The following INPP4B variants were observed in gnomAD, a reference collection of about 807,000 sequenced individuals.
INPP4B encodes inositol polyphosphate-4-phosphatase type II B.
A neutral mutation model predicts 122.5 loss-of-function variants in INPP4B; 55 were observed. That is an observed-to-expected ratio of 0.45 (90% CI 0.36 to 0.56). The LOEUF (loss-of-function observed/expected upper bound fraction) is 0.56. INPP4B is among the 20% of genes least tolerant of loss of function. The probability of loss-of-function intolerance (pLI) is 0.00; values close to 1 mark genes in which losing one functional copy is unlikely to be tolerated. For missense variants in INPP4B, 1,000 were observed against 1,097.7 expected (o/e 0.91, Z 1.26); for synonymous variants, 403 against 388.7 (o/e 1.04, Z -0.43).
intron 2 of INPP4B, among the ~76,000 whole-genome samples, chr4:142,689,771 T>C (rs1203269890): frequency 6.6e-6 from 1 of 152,166 alleles, no homozygotes; most frequent in Non-Finnish European, 1.5e-5. Flanking sequence ...GAGATAAACA[T>C]TTGTGATTAA....
At chr4:142,142,104 T>C (rs1431298782) in intron 18 of INPP4B, among the ~76,000 whole-genome samples, 2 of 152,110 alleles carry the variant, frequency 1.3e-5, no homozygotes, top group African/African-American at 4.8e-5. Flanking sequence ...ATATCATACA[T>C]TGTAATAAAT....
chr4:142,261,414 C>T (rs1006411527), intron 10 of INPP4B, among the ~76,000 whole-genome samples: 2 of 152,048 alleles, frequency 1.3e-5, no homozygotes, highest in Admixed American at 6.5e-5. Context: ...TGAGTGGGGA[C>T]AGGGAAGAGG....
intron 14 of INPP4B, among the ~76,000 whole-genome samples, chr4:142,195,457 C>CAAAA (rs1454559773): frequency 6.6e-6 from 1 of 151,802 alleles, no homozygotes; most frequent in East Asian, 1.9e-4. Flanking sequence ...CATCAACAAC[C>CAAAA]AAAAAAAGGC....
chr4:142,281,332 C>A (rs2150782816), intron 9 of INPP4B, among the ~76,000 whole-genome samples: 2 of 136,294 alleles, frequency 1.5e-5, no homozygotes, highest in African/African-American at 3.0e-5. Flanking sequence ...GGATAGATAG[C>A]TAAGCATTTT....
At chr4:142,296,746 C>T (rs930348394) in intron 9 of INPP4B, among the ~76,000 whole-genome samples, 3 of 152,198 alleles carry the variant, frequency 2.0e-5, no homozygotes, top group Admixed American at 6.5e-5. Flanking sequence ...CTCTTTCTAC[C>T]TCTTTACTGT....
chr4:142,740,204 A>AAG lies in INPP4B; in HGVS notation c.-253-14304_-253-14303insCT, dbSNP rs1474355837. ...TTTGCAATGTGGAAAGCACATAAGC[A>AAG]CAGAAAACCCAAAAAATCTAAATTC... is the stretch of plus-strand genomic sequence containing the variant. On this transcript the variant is annotated intron_variant, in intron 1 of 25. Coordinates refer to ENST00000262992, the MANE Select transcript of INPP4B (RefSeq NM_001101669.3). Among the ~76,000 whole-genome samples, 11 of 152,184 alleles carry AAG rather than the reference A, an allele frequency of 7.2e-5. No individual in the cohort carries two copies. The East Asian group carries it at 1.2e-3, about 16-fold the overall frequency.
intron 12 of INPP4B, among the ~76,000 whole-genome samples, chr4:142,235,368 T>C (rs1856232777): frequency 6.6e-6 from 1 of 150,696 alleles, no homozygotes; most frequent in Non-Finnish European, 1.5e-5. Flanking sequence ...AGTATAATAA[T>C]ATATTATGTT....
intron 2 of INPP4B, among the ~76,000 whole-genome samples, chr4:142,531,387 A>T (rs1827593486): frequency 6.6e-6 from 1 of 152,100 alleles, no homozygotes; most frequent in African/African-American, 2.4e-5. Flanking sequence ...TTTTAATGGA[A>T]AATTAATTCT....
chr4:142,525,719 A>G (rs550805092), intron 2 of INPP4B, among the ~76,000 whole-genome samples: 41 of 129,168 alleles, frequency 3.2e-4, no homozygotes, highest in South Asian at 8.7e-4. Context: ...CCTTCCTTAC[A>G]CCTTATACAA....
chr4:142,387,887 T>C (rs900133603), intron 7 of INPP4B, among the ~76,000 whole-genome samples: 1 of 152,146 alleles, frequency 6.6e-6, no homozygotes, highest in Non-Finnish European at 1.5e-5. Flanking sequence ...TGGTCAGTCA[T>C]GTCCTTGGGA....
At chr4:142,460,311 T>G (rs770799518) in intron 3 of INPP4B, among the ~76,000 whole-genome samples, 17 of 152,284 alleles carry the variant, frequency 1.1e-4, no homozygotes, top group Admixed American at 6.5e-4. Flanking sequence ...GAGAAAAATA[T>G]AATCGCTGAA....
intron 24 of INPP4B, among the ~76,000 whole-genome samples, chr4:142,084,256 TG>T (rs548244385): frequency 4.1e-4 from 62 of 152,300 alleles, no homozygotes; most frequent in African/African-American, 1.5e-3. Flanking sequence ...CCTGAGTGGC[TG>T]GGATTACAGG....
At chr4:142,227,466 C>T (rs1183775689) in intron 12 of INPP4B, among the ~76,000 whole-genome samples, 2 of 152,004 alleles carry the variant, frequency 1.3e-5, no homozygotes, top group African/African-American at 4.8e-5. Context: ...GAAGAAAGAA[C>T]ATTAAAAATA....
At chr4:142,809,281 T>A (rs550254914) in intron 1 of INPP4B, among the ~76,000 whole-genome samples, 1 of 152,172 alleles carries the variant, frequency 6.6e-6, no homozygotes, top group Non-Finnish European at 1.5e-5. Flanking sequence ...TTATTTAATT[T>A]TCATTGATGT....
chr4:142,672,024 T>G (rs909096897), intron 2 of INPP4B, among the ~76,000 whole-genome samples: 3 of 152,186 alleles, frequency 2.0e-5, no homozygotes, highest in African/African-American at 7.2e-5. Context: ...CTGAGTCTGA[T>G]GTCTTTCATT....
intron 16 of INPP4B, among the ~76,000 whole-genome samples, chr4:142,171,994 C>A (rs992465105): frequency 1.3e-5 from 2 of 151,838 alleles, no homozygotes; most frequent in South Asian, 4.1e-4. Context: ...AAAAACCTCA[C>A]CTCATCTATA....
Position 142,167,268 on chromosome 4 carries a change from T to C in INPP4B, c.1359+6364A>G, listed in dbSNP as rs138620057. Among the ~76,000 whole-genome samples, 29 of 151,810 alleles carry C rather than the reference T, an allele frequency of 1.9e-4. No individual in the cohort carries two copies. In the East Asian group the frequency reaches 5.3e-3, roughly 28 times the overall value. Reference sequence around the variant, plus strand: ...GGACATGGATGGAGCTGGAAGCCATTATCCTCAGCAAACACACACAGAAAC... The same window carrying C: ...GGACATGGATGGAGCTGGAAGCCATCATCCTCAGCAAACACACACAGAAAC... On this transcript the variant is annotated intron_variant, in intron 16 of 25. Transcript: ENST00000262992.
At chr4:142,115,624 C>T (rs1449422942) in intron 21 of INPP4B, among the ~76,000 whole-genome samples, 2 of 152,122 alleles carry the variant, frequency 1.3e-5, no homozygotes, top group Admixed American at 1.3e-4. Flanking sequence ...GAGATTTTGT[C>T]ACCACCAGGC....
intron 25 of INPP4B, among the ~76,000 whole-genome samples, chr4:142,072,735 A>G (rs1011609971): frequency 7.2e-5 from 11 of 152,018 alleles, no homozygotes; most frequent in African/African-American, 2.4e-4. Flanking sequence ...AACAAGTACT[A>G]TTTAAGTGCA....
Sources: gnomAD v4.1 joint callset for allele counts (sites outside exome capture counted in the v4.1 genomes callset) on GRCh38, gnomAD v4.1.1 for gene constraint, MANE v1.5 for transcripts, NCBI Gene and HGNC (gene_info 2026-07-23, HGNC 2026-07-21) for gene names.